Variants in MYH15 observed in about 807,000 individuals in gnomAD.
MYH15 encodes the protein myosin heavy chain 15, also known as myosin-15.
Under a neutral mutation model 240.5 loss-of-function variants are expected in MYH15, and 227 were observed. The observed-to-expected ratio is 0.94, with a 90% confidence interval of 0.85 to 1.05. The LOEUF (loss-of-function observed/expected upper bound fraction) is 1.05, where lower values mean the gene tolerates loss of function less well. Among genes scored for constraint, MYH15 ranks in the 50% least tolerant of loss-of-function variants. The pLI, the probability that MYH15 is intolerant of heterozygous loss-of-function variation, is 0.00. For synonymous variants in MYH15, 785 were observed against 796.7 expected, an observed-to-expected ratio of 0.99 and a Z score of 0.25; for missense variants, 2,217 against 2,247.5, an observed-to-expected ratio of 0.99 and a Z score of 0.27.
intron 12 of MYH15, among the ~76,000 whole-genome samples, chr3:108,475,842 A>C (rs1486371730): frequency 1.3e-5 from 2 of 152,224 alleles, no homozygotes; most frequent in African/African-American, 4.8e-5. Flanking sequence ...ATTAAGGCAA[A>C]GCCTCAAAGA....
At chr3:108,537,616 T>G in the MYH15 span, among the ~76,000 whole-genome samples, 4 of 152,182 alleles carry the variant, frequency 2.6e-5, no homozygotes, top group African/African-American at 9.7e-5. Flanking sequence ...GCAGCCCTCA[T>G]CAGACACTGA....
intron 21 of MYH15, among the ~76,000 whole-genome samples, chr3:108,446,249 T>C (rs1434356113): frequency 6.6e-6 from 1 of 152,128 alleles, no homozygotes; most frequent in African/African-American, 2.4e-5. Context: ...TACCATGGAC[T>C]TAGACACCAA....
At chr3:108,420,591 G>A (rs2082674807) in intron 28 of MYH15, among the ~76,000 whole-genome samples, 1 of 152,112 alleles carries the variant, frequency 6.6e-6, no homozygotes, top group Non-Finnish European at 1.5e-5. Flanking sequence ...CGTGGCCAAC[G>A]CAGATTGAGA....
At chr3:108,466,540 C>G (rs1270419459) in intron 14 of MYH15, among the ~76,000 whole-genome samples, 5 of 152,136 alleles carry the variant, frequency 3.3e-5, no homozygotes, top group Non-Finnish European at 5.9e-5. Context: ...TTCTGTTGTG[C>G]TCCCATGTGT....
chr3:108,436,514 G>C (rs1220777113), intron 25 of MYH15, among the ~76,000 whole-genome samples: 1 of 152,128 alleles, frequency 6.6e-6, no homozygotes, highest in African/African-American at 2.4e-5. Flanking sequence ...TTCACTGTGG[G>C]CCTCAACCAT....
At chr3:108,474,122 C>T (rs1486676564) in intron 12 of MYH15, among the ~76,000 whole-genome samples, 1 of 151,900 alleles carries the variant, frequency 6.6e-6, no homozygotes, top group African/African-American at 2.4e-5. Context: ...GTTAACGTTG[C>T]AAAAATTTTT....
intron 30 of MYH15, 66 bp downstream of exon 30, chr3:108,414,166 G>T: frequency 1.3e-6 from 2 of 1,513,336 alleles, no homozygotes; most frequent in Non-Finnish European, 1.8e-6. Context: ...CTTGGAGACA[G>T]AGTCATTATT....
At chr3:108,530,094 T>A (rs1042359097), upstream of MYH15, among the ~76,000 whole-genome samples, 1 of 152,212 alleles carries the variant, frequency 6.6e-6, no homozygotes, top group African/African-American at 2.4e-5. Context: ...ACTTCATACT[T>A]CATGGGGAAT....
intron 14 of MYH15, among the ~76,000 whole-genome samples, chr3:108,468,337 T>C (rs148374320): frequency 1.7e-3 from 258 of 152,348 alleles, no homozygotes; most frequent in African/African-American, 5.9e-3. Context: ...CTTATACGTA[T>C]ACAGAGATGC....
chr3:108,449,803 G>T (rs1198378757), intron 21 of MYH15, among the ~76,000 whole-genome samples: 1 of 151,846 alleles, frequency 6.6e-6, no homozygotes, highest in Non-Finnish European at 1.5e-5. Flanking sequence ...CCTATGGAAT[G>T]GGAGAAAATA....
At chr3:108,405,277 C>A in intron 33 of MYH15, 61 bp downstream of exon 33, 1 of 967,592 alleles carries the variant, frequency 1.0e-6, no homozygotes, top group South Asian at 2.7e-5. Context: ...ACATAATGAG[C>A]TCTGTTTAGT....
upstream of MYH15, among the ~76,000 whole-genome samples, chr3:108,511,691 G>A (rs529024391): frequency 8.5e-5 from 13 of 152,326 alleles, no homozygotes; most frequent in South Asian, 1.4e-3. Flanking sequence ...AGGTAAGAAG[G>A]TAGAGAAGGA....
At chr3:108,431,428 C>T (rs1371035277) in intron 25 of MYH15, among the ~76,000 whole-genome samples, 1 of 152,156 alleles carries the variant, frequency 6.6e-6, no homozygotes, top group African/African-American at 2.4e-5. Flanking sequence ...CAAGATCTAA[C>T]GTTTTATAAA....
At chr3:108,425,360 T>G (rs1244057989) in intron 27 of MYH15, among the ~76,000 whole-genome samples, 1 of 152,216 alleles carries the variant, frequency 6.6e-6, no homozygotes, top group Non-Finnish European at 1.5e-5. Context: ...CCGTGCTTTA[T>G]GAATATTCTA....
intron 12 of MYH15, among the ~76,000 whole-genome samples, chr3:108,474,455 T>A (rs1182585166): frequency 6.9e-6 from 1 of 145,094 alleles, no homozygotes; most frequent in Non-Finnish European, 1.5e-5. Context: ...GGGCTCCTTA[T>A]TTTTTTTTTT....
the MYH15 span, among the ~76,000 whole-genome samples, chr3:108,544,759 T>C: frequency 6.6e-6 from 1 of 152,314 alleles, no homozygotes; most frequent in South Asian, 2.1e-4. Context: ...TAAAGGTTTG[T>C]ATTTTCATTA....
In MYH15 at chr3:108,398,767, C is replaced by T. The variant is rs368123037; in HGVS notation, c.5003G>A (p.Arg1668Gln). 4 of 1,614,154 alleles carry T rather than the reference C, an allele frequency of 2.5e-6. No homozygotes were observed. Among genetic ancestry groups the T allele is most frequent in the African/African-American group, 1.3e-5 (1 of 75,038 alleles). The change falls in exon 35 of 41, where the codon CGG (arginine) becomes CAG (glutamine). Residue 1668 changes from arginine to glutamine, a missense_variant. Coordinates refer to ENST00000693548, the MANE Select transcript of MYH15 (RefSeq NM_014981.3). ...DLKEQVAVAE[R>Q]RNSLLQSELE... is the part of the protein sequence containing the mutation. ...TTCAGACTGAAGAAGAGAGTTGCGC[C>T]GCTCAGCCACAGCCACCTGCTCCTT...
chr3:108,521,734 A>G (rs2083619285), intron 1 of MYH15, among the ~76,000 whole-genome samples: 1 of 152,212 alleles, frequency 6.6e-6, no homozygotes. Context: ...GTAAATGGGT[A>G]AACTGAAGTC....
the MYH15 span, among the ~76,000 whole-genome samples, chr3:108,548,509 G>A: frequency 6.6e-6 from 1 of 152,100 alleles, no homozygotes; most frequent in Non-Finnish European, 1.5e-5. Flanking sequence ...CTGCTTCTGT[G>A]CTGCAATAGC....
Sources: allele counts gnomAD v4.1 joint callset (sites outside exome capture counted in the v4.1 genomes callset), GRCh38; gene constraint gnomAD v4.1.1; transcripts MANE v1.5; gene names NCBI Gene and HGNC (gene_info 2026-07-23, HGNC 2026-07-21).